MRPL24: variants seen among roughly 807,000 people sequenced by gnomAD.
MRPL24 encodes mitochondrial ribosomal protein L24.
MRPL24 carries 15 observed loss-of-function variants against 26.9 expected under a neutral mutation model. The observed-to-expected ratio is 0.56, with a 90% CI of 0.37 to 0.86. The LOEUF is 0.86. MRPL24 is among the 40% of genes least tolerant of loss of function. The pLI, the probability that MRPL24 is intolerant of heterozygous loss-of-function variation, is 0.00. For synonymous variants in MRPL24, 92 were observed against 102.4 expected, an observed-to-expected ratio of 0.90 and a Z score of 0.62; for missense variants, 241 against 281.4, an observed-to-expected ratio of 0.86 and a Z score of 1.03.
In MRPL24 at chr1:156,737,645, C is replaced by G. The variant is rs112250279; in HGVS notation, c.514+1G>C. ...CTGACCTTCCTGCCCCTCACTCTCA[C>G]CAATCCACGTTTCAGGGACGATGCC... On this transcript the variant is annotated splice_donor_variant, in intron 5 of 5. Transcript: ENST00000361531. LOFTEE classifies it high-confidence loss of function. 6.2e-6 allele frequency: 10 copies of G among 1,614,156 alleles called. No individual in the cohort carries two copies. The highest frequency in any genetic ancestry group is 7.6e-6 in the Non-Finnish European group (9 of 1,180,006).
chr1:156,740,217 C>T (rs1336277409), intron 1 of MRPL24, among the ~76,000 whole-genome samples: 4 of 152,026 alleles, frequency 2.6e-5, no homozygotes, highest in Non-Finnish European at 5.9e-5. Context: ...TGTTCCTTCC[C>T]GTAACGTTTG....
At chr1:156,737,808 G>A (rs1558026089) in intron 4 of MRPL24, 32 bp from the exon 5 acceptor site, 15 of 1,609,270 alleles carry the variant, frequency 9.3e-6, no homozygotes, top group Non-Finnish European at 1.3e-5. Context: ...CCTGGCCTAC[G>A]AGCCAGGCTT....
chr1:156,737,710 T>A lies in MRPL24; in HGVS notation c.450A>T (p.Ser150=). The change falls in exon 5 of 6, where the codon TCA becomes TCT. Residue 150 remains serine (S), a synonymous_variant. Coordinates refer to ENST00000361531, the MANE Select transcript of MRPL24 (RefSeq NM_145729.3). The part of the protein sequence containing the change: ...AGERVRVSTR[S]GRIIPKPEFP... Reference sequence around the variant, plus strand: ...ATTCGGGTTTAGGGATAATTCTCCCTGATCGTGTGGAGACTCGTACCCGCT... The same window carrying A: ...ATTCGGGTTTAGGGATAATTCTCCCAGATCGTGTGGAGACTCGTACCCGCT... 6.2e-7 allele frequency: 1 copy of A among 1,614,180 alleles called. No individual in the cohort carries two copies.
intron 1 of MRPL24, among the ~76,000 whole-genome samples, 189 bp from the exon 2 acceptor site, chr1:156,738,953 A>T (rs1649993088): frequency 6.6e-6 from 1 of 152,232 alleles, no homozygotes; most frequent in Admixed American, 6.5e-5. Context: ...GAGAATCAGT[A>T]TTCAAACCCA....
chr1:156,738,270 C>A, intron 3 of MRPL24, 73 bp downstream of exon 3: 1 of 1,549,594 alleles, frequency 6.5e-7, no homozygotes, highest in South Asian at 1.1e-5. Flanking sequence ...TCCTGCCACC[C>A]TGTGCTGCTC....
chr1:156,739,282 G>T lies in MRPL24; in HGVS notation c.-60-518C>A, dbSNP rs1056858469. Among the ~76,000 whole-genome samples, 4 of 152,066 alleles carry T rather than the reference G, an allele frequency of 2.6e-5. No individual in the cohort carries two copies. In the East Asian group the frequency reaches 7.7e-4, roughly 29 times the overall value. On this transcript the variant is annotated intron_variant, in intron 1 of 5. Coordinates refer to ENST00000361531, the MANE Select transcript of MRPL24 (RefSeq NM_145729.3). ...CCCTAAGATAGCTCCTTTTCTAAAG[G>T]AAAAGGACCCAGGGCCAGACTCTAG...
At chr1:156,742,172 C>T (rs1803707), upstream of MRPL24, 2 of 152,674 alleles carry the variant, frequency 1.3e-5, no homozygotes, top group African/African-American at 4.8e-5. Context: ...AGCTAAACTT[C>T]CAAAGCTACA....
chr1:156,738,324 A>G lies in MRPL24; in HGVS notation c.279+19T>C. 1 of 1,610,636 alleles carries G rather than the reference A, an allele frequency of 6.2e-7. No homozygotes were observed. The highest frequency in any genetic ancestry group is 8.5e-7 in the Non-Finnish European group (1 of 1,176,874). ...TGAGACAGGCTTCCTGAGCATCCCCATCCCCTCTCTCAACTTACTGTGTTC... is the reference window on the plus strand; with the variant it reads ...TGAGACAGGCTTCCTGAGCATCCCCGTCCCCTCTCTCAACTTACTGTGTTC... On this transcript the variant is annotated intron_variant, in intron 3 of 5. Transcript: ENST00000361531.
At chr1:156,738,320 C>T (rs1328381059) in intron 3 of MRPL24, 23 bp downstream of exon 3, 8 of 1,608,664 alleles carry the variant, frequency 5.0e-6, no homozygotes, top group Non-Finnish European at 6.8e-6. Flanking sequence ...TCCTGAGCAT[C>T]CCCATCCCCT....
At chr1:156,737,595 C>T in intron 5 of MRPL24, 51 bp downstream of exon 5, 2 of 1,610,246 alleles carry the variant, frequency 1.2e-6, no homozygotes, top group African/African-American at 1.3e-5. Flanking sequence ...TTAATGTCCC[C>T]TACTCTCACT....
chr1:156,737,946 G>A (rs1649934393), intron 4 of MRPL24, 85 bp downstream of exon 4: 1 of 1,466,866 alleles, frequency 6.8e-7, no homozygotes, highest in African/African-American at 1.4e-5. Context: ...TTAATTTCCA[G>A]AGCATCCAAC....
intron 4 of MRPL24, 61 bp downstream of exon 4, chr1:156,737,970 T>G: frequency 3.3e-6 from 5 of 1,537,624 alleles, no homozygotes; most frequent in South Asian, 2.3e-5. Flanking sequence ...CCATTCCCAT[T>G]GGACAGCACT....
chr1:156,742,057 TTC>T (rs1205754725), upstream of MRPL24: 1 of 152,648 alleles, frequency 6.6e-6, no homozygotes, highest in Admixed American at 6.5e-5. Flanking sequence ...TTACCCCACT[TTC>T]TGTCTTCAGT....
intron 3 of MRPL24, 41 bp downstream of exon 3, chr1:156,738,302 G>C (rs753553430): frequency 5.6e-6 from 9 of 1,595,296 alleles, no homozygotes; most frequent in Middle Eastern, 1.7e-4. Context: ...GGACAGATGA[G>C]ACAGGCTTCC....
rs1453467943 is a variant in MRPL24, at chr1:156,741,075, GA to G, written c.-125del. ...CACCTCCACTTTCCGCGGCACTTCG[GA>G]TTTTCAGCACATGGGCCCTCAGCGT... On this transcript the variant is annotated 5_prime_UTR_variant, in exon 1 of 6. Transcript: ENST00000361531. The G allele has an allele frequency of 3.3e-5, 5 of 152,244 alleles. No individual in the cohort carries two copies. Among genetic ancestry groups the G allele is most frequent in the East Asian group, 3.9e-4 (2 of 5,190 alleles). The allele number at this position is 152,244 out of a possible 1,614,324, so 9.4% of individuals were successfully genotyped here. A position where few individuals can be genotyped will look rare whatever the true frequency, so the allele number is the denominator to read the frequency against.
chr1:156,737,897 G>A, intron 4 of MRPL24, 121 bp from the exon 5 acceptor site: 2 of 1,474,788 alleles, frequency 1.4e-6, no homozygotes, highest in East Asian at 2.3e-5. Flanking sequence ...TCTGTGTTGG[G>A]GTTACCCGCA....
chr1:156,737,653 C>T lies in MRPL24; in HGVS notation c.507G>A (p.Thr169=), dbSNP rs144617859. The T allele has an allele frequency of 6.2e-6, 10 of 1,614,042 alleles. No homozygotes were observed. Among genetic ancestry groups the T allele is most frequent in the Admixed American group, 1.7e-5 (1 of 59,996 alleles). Residue 169 remains threonine, a synonymous_variant, in exon 5 of 6, where the codon ACG becomes ACA. Coordinates refer to ENST00000361531, the MANE Select transcript of MRPL24 (RefSeq NM_145729.3). ...CCTGCCCCTCACTCTCACCAATCCA[C>T]GTTTCAGGGACGATGCCATCAGCTC... is the stretch of plus-strand genomic sequence containing the variant. The part of the protein sequence containing the change: ...FPRADGIVPE[T]WIDGPKDTSV...
At chr1:156,739,463 T>G (rs1428607381) in intron 1 of MRPL24, among the ~76,000 whole-genome samples, 1 of 152,196 alleles carries the variant, frequency 6.6e-6, no homozygotes, top group African/African-American at 2.4e-5. Context: ...TGCTTTCCTG[T>G]ATCTCATTTA....
At chr1:156,737,867 T>C in intron 4 of MRPL24, 91 bp from the exon 5 acceptor site, 2 of 1,547,842 alleles carry the variant, frequency 1.3e-6, no homozygotes, top group East Asian at 2.3e-5. Context: ...ACACAAGGGT[T>C]ACCACCGCGT....
Sources: allele counts gnomAD v4.1 joint callset (sites outside exome capture counted in the v4.1 genomes callset), GRCh38; gene constraint gnomAD v4.1.1; transcripts MANE v1.5; gene names NCBI Gene and HGNC (gene_info 2026-07-23, HGNC 2026-07-21).